Variants in CACNA1C observed in about 807,000 individuals in gnomAD.
The protein encoded by CACNA1C is calcium voltage-gated channel subunit alpha1 C, also known as voltage-dependent L-type calcium channel subunit alpha-1C.
A neutral mutation model predicts 229.0 loss-of-function variants in CACNA1C; 30 were observed. The ratio of observed to expected loss-of-function variants is 0.13; its 90% CI spans 0.10 to 0.18. CACNA1C has a LOEUF of 0.18. Among genes scored for constraint, CACNA1C ranks in the 10% least tolerant of loss-of-function variants. CACNA1C has a pLI of 1.00. For missense variants in CACNA1C, 1,658 were observed against 2,845.0 expected, an observed-to-expected ratio of 0.58 and a Z score of 9.49; for synonymous variants, 1,114 against 1,132.5, an observed-to-expected ratio of 0.98 and a Z score of 0.33.
At chr12:2,303,507 G>A (rs774360846) in intron 3 of CACNA1C, among the ~76,000 whole-genome samples, 5 of 152,162 alleles carry the variant, frequency 3.3e-5, no homozygotes, top group African/African-American at 4.8e-5. Flanking sequence ...GCTCACACCC[G>A]TAACCCCAGC....
chr12:2,506,862 C>T (rs67382090), intron 8 of CACNA1C, among the ~76,000 whole-genome samples: 5 of 152,224 alleles, frequency 3.3e-5, no homozygotes, highest in African/African-American at 1.2e-4. Flanking sequence ...AGTAACCCCC[C>T]ACCAAGAGCC....
intron 3 of CACNA1C, among the ~76,000 whole-genome samples, chr12:2,255,342 G>A (rs2077034318): frequency 1.3e-5 from 2 of 152,062 alleles, no homozygotes; most frequent in African/African-American, 4.8e-5. Flanking sequence ...GTACCTGTGT[G>A]GAGTTTGCTA....
chr12:2,087,894 C>T (rs1426480407), intron 1 of CACNA1C, among the ~76,000 whole-genome samples: 4 of 152,152 alleles, frequency 2.6e-5, no homozygotes, highest in Admixed American at 2.0e-4. Flanking sequence ...GTAATGGTTC[C>T]GGATGATTTT....
At chr12:2,281,803 G>C (rs1406485887) in intron 3 of CACNA1C, among the ~76,000 whole-genome samples, 2 of 151,934 alleles carry the variant, frequency 1.3e-5, no homozygotes, top group African/African-American at 2.4e-5. Context: ...TGAGCTTCTG[G>C]AACCTGTGGG....
intron 1 of CACNA1C, among the ~76,000 whole-genome samples, chr12:2,100,602 A>G (rs1174812394): frequency 6.8e-6 from 1 of 147,518 alleles, no homozygotes; most frequent in African/African-American, 2.5e-5. Flanking sequence ...AAAAAAAAAA[A>G]AAAAATTAGC....
intron 1 of CACNA1C, among the ~76,000 whole-genome samples, chr12:2,100,734 A>G (rs2076073681): frequency 6.6e-6 from 1 of 151,364 alleles, no homozygotes; most frequent in South Asian, 2.1e-4. Context: ...TTCCAGCCTG[A>G]GTGACAGAAC....
At chr12:2,359,985 C>G (rs1465525124) in intron 3 of CACNA1C, among the ~76,000 whole-genome samples, 1 of 152,112 alleles carries the variant, frequency 6.6e-6, no homozygotes, top group African/African-American at 2.4e-5. Context: ...ATCCAGTGCA[C>G]AGCTTCCCGA....
chr12:2,305,471 A>G (rs917900969), intron 3 of CACNA1C, among the ~76,000 whole-genome samples: 2 of 152,126 alleles, frequency 1.3e-5, no homozygotes, highest in African/African-American at 4.8e-5. Context: ...CCCCATCCTC[A>G]TGTCCTTCTT....
intron 22 of CACNA1C, among the ~76,000 whole-genome samples, chr12:2,603,952 G>A (rs1568716084): frequency 1.3e-5 from 2 of 152,184 alleles, no homozygotes; most frequent in Non-Finnish European, 2.9e-5. Flanking sequence ...AGGATCTAAC[G>A]TGAATGGACC....
Position 2,678,392 on chromosome 12 carries a change from TC to T in CACNA1C, c.5091+528del. Among the ~76,000 whole-genome samples the T allele has an allele frequency of 6.6e-6, 1 of 152,134 alleles. No individual in the cohort carries two copies. Among genetic ancestry groups the T allele is most frequent in the Middle Eastern group, 3.4e-3 (1 of 294 alleles). On this transcript the variant is annotated intron_variant, in intron 41 of 46. Transcript: ENST00000399655. This position sits in a 1 kb window ranked among gnomAD's most constrained non-coding sequence, Gnocchi z 4.1. ...CCAAGACCCCTCCAGAACTCCCCTT[TC>T]CCTCTCCTTTCCTGGAGACTGAAGC...
chr12:2,187,836 G>T (rs1368279755), intron 3 of CACNA1C, among the ~76,000 whole-genome samples: 1 of 152,186 alleles, frequency 6.6e-6, no homozygotes, highest in African/African-American at 2.4e-5. Context: ...GCAGAAGGTG[G>T]GGGGCTCCAG....
At chr12:2,141,161 G>A (rs1420699218) in intron 3 of CACNA1C, among the ~76,000 whole-genome samples, 1 of 151,118 alleles carries the variant, frequency 6.6e-6, no homozygotes, top group Admixed American at 6.6e-5. Context: ...GAGGATGTGA[G>A]TGGGGTTGGA....
chr12:2,674,358 GA>G, intron 38 of CACNA1C, 182 bp from the exon 39 acceptor site: 2 of 819,880 alleles, frequency 2.4e-6, no homozygotes, highest in Non-Finnish European at 3.7e-6. Flanking sequence ...GTGGACAGAG[GA>G]AGGGGAAGAG....
chr12:2,178,279 T>C (rs1303425392), intron 3 of CACNA1C, among the ~76,000 whole-genome samples: 1 of 152,048 alleles, frequency 6.6e-6, no homozygotes, highest in African/African-American at 2.4e-5. Context: ...GCCAGGAGGA[T>C]TTTGGAGGAG....
chr12:2,389,837 T>G (rs914238673), intron 3 of CACNA1C, among the ~76,000 whole-genome samples: 1 of 152,100 alleles, frequency 6.6e-6, no homozygotes, highest in African/African-American at 2.4e-5. Context: ...ACCGAATCCC[T>G]CCTTTCACTC....
At chr12:2,590,121 G>T (rs1347771097) in intron 18 of CACNA1C, among the ~76,000 whole-genome samples, 1 of 152,186 alleles carries the variant, frequency 6.6e-6, no homozygotes, top group Non-Finnish European at 1.5e-5. Flanking sequence ...TGTCTTCTCA[G>T]CCTTGGGCTC....
chr12:2,206,416 G>A (rs1049107160), intron 3 of CACNA1C, among the ~76,000 whole-genome samples: 6 of 152,206 alleles, frequency 3.9e-5, no homozygotes, highest in Admixed American at 1.3e-4. Context: ...AAGAGCTTGG[G>A]CTTTGGAATG....
intron 9 of CACNA1C, among the ~76,000 whole-genome samples, chr12:2,515,714 G>T (rs775585984): frequency 1.2e-4 from 18 of 152,270 alleles, no homozygotes; most frequent in South Asian, 8.3e-4. Flanking sequence ...CATATCTTAG[G>T]GGAGCCCAGG....
At chr12:2,542,070 C>A (rs1417715255) in intron 9 of CACNA1C, among the ~76,000 whole-genome samples, 2 of 152,134 alleles carry the variant, frequency 1.3e-5, no homozygotes, top group African/African-American at 4.8e-5. Flanking sequence ...GAGAGTACAG[C>A]AGCGGGCACC....
Sources: allele counts gnomAD v4.1 joint callset (sites outside exome capture counted in the v4.1 genomes callset), GRCh38; gene constraint gnomAD v4.1.1; non-coding constraint Gnocchi (gnomAD v3.1); transcripts MANE v1.5; gene names NCBI Gene and HGNC (gene_info 2026-07-23, HGNC 2026-07-21).